The following CORIN variants were observed in gnomAD, a reference collection of about 807,000 sequenced individuals.
CORIN encodes atrial natriuretic peptide-converting enzyme.
CORIN carries 117 observed loss-of-function variants against 125.3 expected under a neutral mutation model. That is an observed-to-expected ratio of 0.93 (90% CI 0.80 to 1.09). CORIN has a LOEUF of 1.09. Among genes scored for constraint, CORIN ranks in the 50% least tolerant of loss-of-function variants. The pLI is 0.00. For missense variants in CORIN, 1,253 were observed against 1,306.7 expected, an observed-to-expected ratio of 0.96 and a Z score of 0.63; for synonymous variants, 450 against 466.4, an observed-to-expected ratio of 0.96 and a Z score of 0.45.
intron 1 of CORIN, among the ~76,000 whole-genome samples, chr4:47,824,975 T>C (rs1296171376): frequency 1.3e-5 from 2 of 152,230 alleles, no homozygotes; most frequent in African/African-American, 4.8e-5. Context: ...TGGTGTTATC[T>C]GCTTACAGAC....
chr4:47,595,723 A>C lies in CORIN; in HGVS notation c.3127T>G (p.Ter1043GluextTer2), dbSNP rs768952132. 2.5e-6 allele frequency: 4 copies of C among 1,594,932 alleles called. No individual in the cohort carries two copies. The Admixed American group carries it at 5.5e-5, about 22-fold the overall frequency. Residue 1043 changes from the stop codon to glutamate, a stop_lost, in exon 22 of 22, where the codon TAA (stop) becomes GAA (glutamate). Coordinates refer to ENST00000273857, the MANE Select transcript of CORIN (RefSeq NM_006587.4). ...QIYIQTFLLN[*>E] ...AAAGTCTCTGATCATCCTTATAATT[A>C]GTTTAGGAGAAAGGTCTGGATGTAA...
intron 5 of CORIN, among the ~76,000 whole-genome samples, chr4:47,726,583 T>C (rs1049505151): frequency 2.6e-5 from 4 of 152,040 alleles, no homozygotes; most frequent in African/African-American, 9.7e-5. Flanking sequence ...ATGATATATG[T>C]AGGATGATAG....
chr4:47,601,777 A>G (rs552246663), intron 20 of CORIN, among the ~76,000 whole-genome samples: 1 of 152,188 alleles, frequency 6.6e-6, no homozygotes, highest in South Asian at 2.1e-4. Context: ...AAATTGTTAC[A>G]TGTGAGTTTT....
intron 16 of CORIN, among the ~76,000 whole-genome samples, chr4:47,629,876 GA>G (rs1055605071): frequency 6.6e-6 from 1 of 152,154 alleles, no homozygotes; most frequent in Non-Finnish European, 1.5e-5. Context: ...TTTTGGAGAT[GA>G]AAAAATTGAG....
chr4:47,632,929 T>C (rs540192374), intron 16 of CORIN, among the ~76,000 whole-genome samples: 1 of 152,248 alleles, frequency 6.6e-6, no homozygotes, highest in Admixed American at 6.5e-5. Flanking sequence ...TACAGGCTCA[T>C]GCGACCACGC....
Position 47,623,754 on chromosome 4 carries a change from G to C in CORIN, c.2366-9C>G, listed in dbSNP as rs747125498. 11 of 1,613,936 alleles carry C rather than the reference G, an allele frequency of 6.8e-6. No individual in the cohort carries two copies. The highest frequency in any genetic ancestry group is 9.3e-6 in the Non-Finnish European group (11 of 1,179,982). On this transcript the variant is annotated splice_polypyrimidine_tract_variant and intron_variant, in intron 18 of 21. Transcript: ENST00000273857. The stretch of plus-strand genomic sequence containing the variant: ...AGGGCGGCGCCCACAGTCTACCAAG[G>C]AGCAGAAGACACAGTTTGTGAGTTG...
intron 5 of CORIN, among the ~76,000 whole-genome samples, chr4:47,719,889 A>G (rs1727270763): frequency 6.6e-6 from 1 of 152,204 alleles, no homozygotes. Context: ...TCTATATGCT[A>G]TTTGGTGGAC....
chr4:47,625,948 A>T (rs1463138869), intron 17 of CORIN, among the ~76,000 whole-genome samples: 1 of 152,176 alleles, frequency 6.6e-6, no homozygotes, highest in Non-Finnish European at 1.5e-5. Flanking sequence ...TTAAGATGCA[A>T]TGATTTTTTA....
chr4:47,790,227 A>C (rs950072681), intron 2 of CORIN: 1 of 985,120 alleles, frequency 1.0e-6, no homozygotes, highest in Non-Finnish European at 1.2e-6. Context: ...ATACCTCTTC[A>C]TGGGGCTGGC....
chr4:47,786,536 C>T (rs148586627), intron 3 of CORIN, among the ~76,000 whole-genome samples, 189 bp downstream of exon 3: 5 of 151,970 alleles, frequency 3.3e-5, no homozygotes, highest in African/African-American at 4.8e-5. Flanking sequence ...AGCAAAACTC[C>T]GCCTGAAAAA....
chr4:47,794,878 GCTT>G (rs983237680), intron 2 of CORIN, among the ~76,000 whole-genome samples: 1 of 152,028 alleles, frequency 6.6e-6, no homozygotes, highest in Non-Finnish European at 1.5e-5. Flanking sequence ...CCTTGAAAGA[GCTT>G]TTTTTTCCGA....
At chr4:47,733,865 A>G (rs1363561517) in intron 5 of CORIN, among the ~76,000 whole-genome samples, 1 of 152,206 alleles carries the variant, frequency 6.6e-6, no homozygotes, top group Non-Finnish European at 1.5e-5. Flanking sequence ...AAAATACCTT[A>G]GGAGTTATGA....
intron 16 of CORIN, among the ~76,000 whole-genome samples, chr4:47,629,566 T>C (rs4695259): frequency 0.26 from 39,756 of 152,054 alleles, 5,426 homozygotes; most frequent in Admixed American, 0.36. Context: ...ATATCAACAA[T>C]TATAAAATGA....
intron 1 of CORIN, 79 bp from the exon 2 acceptor site, chr4:47,807,126 T>C (rs1345794640): frequency 4.5e-6 from 5 of 1,119,660 alleles, no homozygotes; most frequent in Non-Finnish European, 6.5e-6. Context: ...AGCTATCCAT[T>C]TAGAACAGCA....
At chr4:47,771,850 AC>A (rs1375267498) in intron 3 of CORIN, among the ~76,000 whole-genome samples, 1 of 152,220 alleles carries the variant, frequency 6.6e-6, no homozygotes, top group Non-Finnish European at 1.5e-5. Context: ...TAGTGAAGGC[AC>A]AGTTAAGCCA....
At chr4:47,626,342 G>C (rs142131590) in intron 17 of CORIN, 63 bp downstream of exon 17, 221 of 961,044 alleles carry the variant, frequency 2.3e-4, no homozygotes, top group Admixed American at 1.2e-3. Flanking sequence ...TGGAAGAAAG[G>C]CCCAATGATA....
intron 16 of CORIN, among the ~76,000 whole-genome samples, chr4:47,634,133 T>C (rs1304475110): frequency 6.6e-6 from 1 of 152,208 alleles, no homozygotes; most frequent in South Asian, 2.1e-4. Context: ...TTCAGGATGA[T>C]TGATGCCAGG....
At chr4:47,620,679 T>C (rs951448501) in intron 19 of CORIN, among the ~76,000 whole-genome samples, 1 of 152,232 alleles carries the variant, frequency 6.6e-6, no homozygotes, top group Non-Finnish European at 1.5e-5. Context: ...GAATGCATGA[T>C]TTTAGCAATA....
chr4:47,776,376 C>A (rs187612490), intron 3 of CORIN, among the ~76,000 whole-genome samples: 2 of 150,016 alleles, frequency 1.3e-5, no homozygotes, highest in African/African-American at 4.9e-5. Flanking sequence ...ACTTCAGCCT[C>A]CCAGGCTCAA....
Sources: allele counts gnomAD v4.1 joint callset (sites outside exome capture counted in the v4.1 genomes callset), GRCh38; gene constraint gnomAD v4.1.1; transcripts MANE v1.5; gene names NCBI Gene and HGNC (gene_info 2026-07-23, HGNC 2026-07-21).